The following SEMA3A variants were observed in gnomAD, a reference collection of about 807,000 sequenced individuals.
SEMA3A encodes semaphorin-3A.
In SEMA3A, 29 loss-of-function variants were observed where a neutral mutation model predicts 97.9. The ratio of observed to expected loss-of-function variants is 0.30; its 90% confidence interval spans 0.22 to 0.40. The LOEUF is 0.40. SEMA3A is among the 10% of genes least tolerant of loss of function. The pLI is 1.00. For missense variants in SEMA3A, 763 were observed against 951.3 expected (o/e 0.80, Z 2.60); for synonymous variants, 321 against 323.7 (o/e 0.99, Z 0.09).
intron 12 of SEMA3A, among the ~76,000 whole-genome samples, chr7:83,996,194 CTGAG>C (rs1790209949): frequency 2.0e-5 from 3 of 151,540 alleles, no homozygotes; most frequent in African/African-American, 7.3e-5. Flanking sequence ...TTTATATCTT[CTGAG>C]TATTTTTATA....
At chr7:84,136,051 G>A (rs1796113595) in intron 1 of SEMA3A, among the ~76,000 whole-genome samples, 1 of 152,072 alleles carries the variant, frequency 6.6e-6, no homozygotes, top group African/African-American at 2.4e-5. Context: ...TTTGCTCAAT[G>A]CACGCACACA....
rs145181111 is a variant in SEMA3A at position 84,432,512 on chromosome 7, A to T, written c.-246+59948T>A. On this transcript the variant is annotated intron_variant, in intron 1 of 3. Coordinates refer to the SEMA3A transcript ENST00000424555. Reference sequence around the variant, plus strand: ...ACCCAAGTAGTGAGTGTAATACTCAATAGTTTTTCAACCCTTCACATCTCC... The same window carrying T: ...ACCCAAGTAGTGAGTGTAATACTCATTAGTTTTTCAACCCTTCACATCTCC... Among the ~76,000 whole-genome samples, 212 of 152,234 alleles carry T rather than the reference A, an allele frequency of 1.4e-3. 2 individuals are homozygous for T. The highest frequency in any genetic ancestry group is 5.1e-3 in the African/African-American group (211 of 41,542).
intron 3 of SEMA3A, among the ~76,000 whole-genome samples, chr7:84,274,264 T>C (rs1562882014): frequency 2.0e-5 from 3 of 152,094 alleles, no homozygotes; most frequent in Non-Finnish European, 4.4e-5. Flanking sequence ...CCACTCTAAC[T>C]TGACTTGGTG....
intron 1 of SEMA3A, among the ~76,000 whole-genome samples, chr7:84,450,545 C>A (rs921323913): frequency 1.3e-5 from 2 of 152,198 alleles, no homozygotes; most frequent in Non-Finnish European, 2.9e-5. Flanking sequence ...GTAGACAAGA[C>A]TCCATCCATT....
chr7:84,480,716 G>C (rs894055309), intron 1 of SEMA3A, among the ~76,000 whole-genome samples: 1 of 151,972 alleles, frequency 6.6e-6, no homozygotes, highest in Non-Finnish European at 1.5e-5. Flanking sequence ...TTTTTAAAAC[G>C]TAACTACCCC....
chr7:84,479,783 C>T (rs1395934801), intron 1 of SEMA3A, among the ~76,000 whole-genome samples: 1 of 152,084 alleles, frequency 6.6e-6, no homozygotes, highest in Non-Finnish European at 1.5e-5. Context: ...ATTAAGATGA[C>T]TTCAACAATT....
At chr7:84,008,778 A>G (rs1032620100) in intron 9 of SEMA3A, among the ~76,000 whole-genome samples, 2 of 152,182 alleles carry the variant, frequency 1.3e-5, no homozygotes, top group Non-Finnish European at 2.9e-5. Flanking sequence ...CTTTTCGGCT[A>G]CATCAATTAC....
chr7:84,224,770 C>T (rs1798951835), intron 3 of SEMA3A, among the ~76,000 whole-genome samples: 1 of 152,022 alleles, frequency 6.6e-6, no homozygotes, highest in Non-Finnish European at 1.5e-5. Context: ...ATTTGTCACT[C>T]TCCAGTTGAA....
intron 1 of SEMA3A, among the ~76,000 whole-genome samples, chr7:84,178,757 C>T (rs180894349): frequency 2.0e-5 from 3 of 152,204 alleles, no homozygotes; most frequent in Non-Finnish European, 2.9e-5. Flanking sequence ...TCTTTTGTGA[C>T]GTCCTTTGTT....
chr7:84,312,324 C>T (rs766799403), intron 2 of SEMA3A, among the ~76,000 whole-genome samples: 2 of 151,790 alleles, frequency 1.3e-5, no homozygotes, highest in African/African-American at 2.4e-5. Flanking sequence ...GCAGACTCTA[C>T]ATCAGCCTGG....
At chr7:84,445,168 C>T (rs1805377518) in intron 1 of SEMA3A, among the ~76,000 whole-genome samples, 1 of 151,884 alleles carries the variant, frequency 6.6e-6, no homozygotes, top group Non-Finnish European at 1.5e-5. Context: ...TCACATATAT[C>T]TTCTCTGACC....
intron 3 of SEMA3A, among the ~76,000 whole-genome samples, chr7:84,305,293 A>G (rs1203895272): frequency 6.6e-6 from 1 of 151,780 alleles, no homozygotes; most frequent in Non-Finnish European, 1.5e-5. Context: ...ATAGTCCCCA[A>G]TTTGAGATGA....
At chr7:84,401,304 G>A (rs1173873881) in intron 1 of SEMA3A, among the ~76,000 whole-genome samples, 1 of 152,018 alleles carries the variant, frequency 6.6e-6, no homozygotes, top group Non-Finnish European at 1.5e-5. Flanking sequence ...TAACCAAAAA[G>A]TGAGAGATCT....
chr7:84,129,942 T>C (rs1795914531), intron 2 of SEMA3A, among the ~76,000 whole-genome samples: 1 of 152,060 alleles, frequency 6.6e-6, no homozygotes, highest in African/African-American at 2.4e-5. Flanking sequence ...ACAGTGACAG[T>C]AGTAGATGAA....
chr7:84,487,541 G>T (rs1313067909), intron 1 of SEMA3A, among the ~76,000 whole-genome samples: 1 of 152,104 alleles, frequency 6.6e-6, no homozygotes, highest in Non-Finnish European at 1.5e-5. Context: ...GAAAGAGGGA[G>T]AGAAACACTT....
At chr7:84,480,564 C>T (rs1395346659) in intron 1 of SEMA3A, among the ~76,000 whole-genome samples, 3 of 152,076 alleles carry the variant, frequency 2.0e-5, no homozygotes, top group Non-Finnish European at 4.4e-5. Flanking sequence ...GTAGCAGTGC[C>T]CAGGGTCAGG....
chr7:84,193,674 A>G (rs1798120024), intron 1 of SEMA3A, among the ~76,000 whole-genome samples: 1 of 152,118 alleles, frequency 6.6e-6, no homozygotes, highest in African/African-American at 2.4e-5. Flanking sequence ...TGGAACAAAC[A>G]TAAAAAATCC....
At chr7:84,149,673 C>T (rs992340082) in intron 1 of SEMA3A, among the ~76,000 whole-genome samples, 1 of 152,182 alleles carries the variant, frequency 6.6e-6, no homozygotes, top group Admixed American at 6.5e-5. Context: ...CATCACAAAA[C>T]GTGATTGTGT....
intron 1 of SEMA3A, among the ~76,000 whole-genome samples, chr7:84,456,404 T>C (rs1350876922): frequency 6.6e-6 from 1 of 151,792 alleles, no homozygotes. Context: ...CATTCATCAA[T>C]TTTTTAGCAT....
Sources: allele counts gnomAD v4.1 joint callset (sites outside exome capture counted in the v4.1 genomes callset), GRCh38; gene constraint gnomAD v4.1.1; transcripts MANE v1.5; gene names NCBI Gene and HGNC (gene_info 2026-07-23, HGNC 2026-07-21).